Variants in ZNF704 observed in about 807,000 individuals in gnomAD.
ZNF704 encodes the protein glucocorticoid induced gene 1.
Under a neutral mutation model 44.7 loss-of-function variants are expected in ZNF704, and 10 were observed. The ratio of observed to expected loss-of-function variants is 0.22; its 90% CI spans 0.14 to 0.38. The LOEUF is 0.38. Among genes scored for constraint, ZNF704 ranks in the 10% least tolerant of loss-of-function variants. ZNF704 has a pLI of 1.00. For missense variants in ZNF704, 390 were observed against 545.5 expected, an observed-to-expected ratio of 0.71 and a Z score of 2.84; for synonymous variants, 211 against 207.6, an observed-to-expected ratio of 1.02 and a Z score of -0.14.
chr8:80,655,110 A>C (rs1817992640), intron 7 of ZNF704, among the ~76,000 whole-genome samples: 1 of 150,706 alleles, frequency 6.6e-6, no homozygotes. Context: ...CAAACGCTGC[A>C]TGTTCTCACT....
chr8:80,862,550 G>A (rs916356515), intron 1 of ZNF704, among the ~76,000 whole-genome samples: 11 of 146,974 alleles, frequency 7.5e-5, no homozygotes, highest in East Asian at 5.9e-4. Flanking sequence ...ACCTGAGGGC[G>A]AGAGTTCGAG....
intron 2 of ZNF704, among the ~76,000 whole-genome samples, chr8:80,819,669 T>C (rs372046819): frequency 3.2e-4 from 48 of 151,994 alleles, no homozygotes; most frequent in African/African-American, 1.1e-3. Context: ...TATGATAAAA[T>C]GTTTCACAAC....
chr8:80,834,986 C>A (rs528862884), intron 1 of ZNF704, among the ~76,000 whole-genome samples: 1 of 152,258 alleles, frequency 6.6e-6, no homozygotes, highest in African/African-American at 2.4e-5. Flanking sequence ...TAGTGTACTA[C>A]AGCAAGTTTT....
intron 2 of ZNF704, among the ~76,000 whole-genome samples, chr8:80,773,364 T>C (rs1807357139): frequency 6.6e-6 from 1 of 152,212 alleles, no homozygotes; most frequent in African/African-American, 2.4e-5. Flanking sequence ...GTGTCATCAC[T>C]TTACCAGTTG....
chr8:80,776,503 C>T (rs1425578815), intron 2 of ZNF704, among the ~76,000 whole-genome samples: 1 of 152,062 alleles, frequency 6.6e-6, no homozygotes, highest in African/African-American at 2.4e-5. Context: ...GTCATTCATT[C>T]CTTGAGATTT....
At chr8:80,679,485 CA>C (rs1818419056) in intron 4 of ZNF704, among the ~76,000 whole-genome samples, 1 of 151,892 alleles carries the variant, frequency 6.6e-6, no homozygotes, top group South Asian at 2.1e-4. Flanking sequence ...TTGCGGCAGC[CA>C]AATCTGAATG....
intron 1 of ZNF704, among the ~76,000 whole-genome samples, chr8:80,824,232 A>G (rs1808330403): frequency 6.6e-6 from 1 of 152,200 alleles, no homozygotes; most frequent in East Asian, 1.9e-4. Context: ...AAGACCTTAA[A>G]TGACCTGATG....
At chr8:80,699,564 G>A (rs1818777307) in intron 2 of ZNF704, among the ~76,000 whole-genome samples, 1 of 152,126 alleles carries the variant, frequency 6.6e-6, no homozygotes, top group Non-Finnish European at 1.5e-5. Flanking sequence ...TCATTTTTAA[G>A]AAATTTTTAA....
intron 2 of ZNF704, among the ~76,000 whole-genome samples, chr8:80,763,297 C>A (rs1259490336): frequency 6.6e-6 from 1 of 152,240 alleles, no homozygotes; most frequent in Non-Finnish European, 1.5e-5. Context: ...GGGTCCCACC[C>A]CTGCAGCAAG....
chr8:80,671,226 C>T (rs1161219234), intron 4 of ZNF704, among the ~76,000 whole-genome samples: 2 of 152,184 alleles, frequency 1.3e-5, no homozygotes, highest in Non-Finnish European at 2.9e-5. Flanking sequence ...CTCCTGGGCT[C>T]AAGAGATCCT....
At chr8:80,666,313 C>T (rs1415256710) in intron 5 of ZNF704, among the ~76,000 whole-genome samples, 1 of 151,498 alleles carries the variant, frequency 6.6e-6, no homozygotes, top group African/African-American at 2.4e-5. Context: ...TTTATGGCTG[C>T]ATAGTATTCC....
chr8:80,781,396 G>C (rs1321786806), intron 2 of ZNF704, among the ~76,000 whole-genome samples: 1 of 152,108 alleles, frequency 6.6e-6, no homozygotes, highest in Non-Finnish European at 1.5e-5. Flanking sequence ...GCATGACTGT[G>C]TTCAATATTT....
chr8:80,812,167 T>A (rs1237242010), intron 2 of ZNF704: 1 of 152,920 alleles, frequency 6.5e-6, no homozygotes, highest in Admixed American at 6.5e-5. Context: ...CTCCTCCTCC[T>A]CTTTATCTTC....
At chr8:80,711,202 G>T (rs1818980356) in intron 2 of ZNF704, among the ~76,000 whole-genome samples, 2 of 152,262 alleles carry the variant, frequency 1.3e-5, no homozygotes, top group South Asian at 4.1e-4. Context: ...GTATGTTCTA[G>T]CCTTCTAGTG....
intron 2 of ZNF704, among the ~76,000 whole-genome samples, chr8:80,782,027 T>A (rs1348979076): frequency 7.9e-5 from 12 of 152,240 alleles, no homozygotes; most frequent in African/African-American, 2.9e-4. Context: ...TGTTGAACTG[T>A]GAACTGCCAC....
chr8:80,737,407 A>T (rs1483883941), intron 2 of ZNF704, among the ~76,000 whole-genome samples: 1 of 152,204 alleles, frequency 6.6e-6, no homozygotes, highest in Non-Finnish European at 1.5e-5. Flanking sequence ...AACTGTTGGT[A>T]GGGGAACCTA....
At chr8:80,744,481 T>C (rs1806812759) in intron 2 of ZNF704, among the ~76,000 whole-genome samples, 1 of 152,202 alleles carries the variant, frequency 6.6e-6, no homozygotes, top group Non-Finnish European at 1.5e-5. Flanking sequence ...GTCTCCCTTG[T>C]TGCAGAGTAT....
rs1285934822 is a variant in ZNF704, at chr8:80,698,785, T to TG, written c.222-5679dup. On this transcript the variant is annotated intron_variant, in intron 2 of 8. Transcript: ENST00000327835. ...AGCCCGGCCAGGTCTCATGCATGGG[T>TG]GGGTGTGGCTGGTCTGCCCTTGAGC... is the stretch of plus-strand genomic sequence containing the variant. Among the ~76,000 whole-genome samples, 4 of 152,164 alleles carry TG rather than the reference T, an allele frequency of 2.6e-5. No individual in the cohort carries two copies. The East Asian group carries it at 7.7e-4, about 29-fold the overall frequency.
chr8:80,758,475 A>G (rs1239944875), intron 2 of ZNF704, among the ~76,000 whole-genome samples: 1 of 152,192 alleles, frequency 6.6e-6, no homozygotes, highest in African/African-American at 2.4e-5. Flanking sequence ...TCCTTCTTTG[A>G]AAAAAACCAA....
Sources: allele counts gnomAD v4.1 joint callset (sites outside exome capture counted in the v4.1 genomes callset), GRCh38; gene constraint gnomAD v4.1.1; transcripts MANE v1.5; gene names NCBI Gene and HGNC (gene_info 2026-07-23, HGNC 2026-07-21).